Variants in SLC35D1 observed in about 807,000 individuals in gnomAD.
SLC35D1 encodes the protein nucleotide sugar transporter SLC35D1.
A neutral mutation model predicts 46.7 loss-of-function variants in SLC35D1; 31 were observed. That is an observed-to-expected ratio of 0.66 (90% CI 0.50 to 0.90). The LOEUF (loss-of-function observed/expected upper bound fraction) is 0.90, where lower values mean the gene tolerates loss of function less well. Among genes scored for constraint, SLC35D1 ranks in the 40% least tolerant of loss-of-function variants. The pLI is 0.00. For synonymous variants in SLC35D1, 195 were observed against 164.6 expected (o/e 1.18, Z -1.41); for missense variants, 397 against 426.2 (o/e 0.93, Z 0.60).
intron 11 of SLC35D1, among the ~76,000 whole-genome samples, chr1:67,005,472 G>A (rs1667428619): frequency 6.6e-6 from 1 of 152,104 alleles, no homozygotes; most frequent in Non-Finnish European, 1.5e-5. Context: ...CATAATACTA[G>A]CCATTCTCTG....
the SLC35D1 span, among the ~76,000 whole-genome samples, chr1:66,976,080 A>C: frequency 2.7e-5 from 4 of 147,208 alleles, no homozygotes; most frequent in African/African-American, 7.7e-5. Flanking sequence ...CTCTGCCCCC[A>C]CCCCCACCCC....
intron 10 of SLC35D1, among the ~76,000 whole-genome samples, chr1:67,014,286 C>T (rs1337288534): frequency 6.6e-6 from 1 of 152,172 alleles, no homozygotes; most frequent in African/African-American, 2.4e-5. Context: ...TCTCTCTGCA[C>T]TTTAAAATAT....
chr1:66,998,593 T>C (rs541210635), downstream of SLC35D1, among the ~76,000 whole-genome samples: 14 of 152,266 alleles, frequency 9.2e-5, no homozygotes, highest in African/African-American at 3.4e-4. Flanking sequence ...GCAACCCAAG[T>C]ACCCATCAAC....
At chr1:67,015,160 T>TAAA (rs140508453) in intron 10 of SLC35D1, among the ~76,000 whole-genome samples, 11 of 85,390 alleles carry the variant, frequency 1.3e-4, no homozygotes, top group African/African-American at 1.6e-4. Flanking sequence ...TGTGTTTTTG[T>TAAA]AAAAAAAAAA....
At chr1:67,020,325 C>A in intron 10 of SLC35D1, 44 bp downstream of exon 10, 1 of 1,289,020 alleles carries the variant, frequency 7.8e-7, no homozygotes, top group Non-Finnish European at 1.1e-6. Flanking sequence ...GAACAATTTT[C>A]AAATAATGCA....
chr1:66,979,852 C>T, the SLC35D1 span, among the ~76,000 whole-genome samples: 1 of 152,022 alleles, frequency 6.6e-6, no homozygotes, highest in African/African-American at 2.4e-5. Flanking sequence ...GCAACCTCCA[C>T]CGCCCGGGTT....
intron 10 of SLC35D1, among the ~76,000 whole-genome samples, chr1:67,014,633 T>C (rs967062682): frequency 4.6e-5 from 7 of 151,122 alleles, no homozygotes; most frequent in Admixed American, 4.0e-4. Context: ...GTTTAAAAAT[T>C]ATTAGTAAAA....
chr1:66,973,419 C>T, the SLC35D1 span, among the ~76,000 whole-genome samples: 9 of 152,132 alleles, frequency 5.9e-5, no homozygotes, highest in African/African-American at 1.9e-4. Flanking sequence ...GGTCTAAAAT[C>T]AAATACTTAA....
In SLC35D1 at chr1:67,040,080, G is replaced by A. The variant is rs1305119703; in HGVS notation, c.729+2156C>T. ...CACAATCATGGCTCACTGCAGCCTC[G>A]ACCTCCTGGGCTCAAGCGATCCTCC... On this transcript the variant is annotated intron_variant, in intron 8 of 11. Coordinates refer to ENST00000235345, the MANE Select transcript of SLC35D1 (RefSeq NM_015139.3). Among the ~76,000 whole-genome samples, 14 of 150,402 alleles carry A rather than the reference G, an allele frequency of 9.3e-5. No individual in the cohort carries two copies. In the East Asian group the frequency reaches 2.0e-3, roughly 21 times the overall value.
intron 8 of SLC35D1, 33 bp downstream of exon 8, chr1:67,042,203 G>A (rs369794177): frequency 3.8e-5 from 58 of 1,538,108 alleles, no homozygotes; most frequent in Non-Finnish European, 3.7e-5. Flanking sequence ...GTTCATCAAC[G>A]TAAGCCATTA....
At chr1:67,045,810 G>C (rs1645245799) in intron 7 of SLC35D1, among the ~76,000 whole-genome samples, 1 of 152,154 alleles carries the variant, frequency 6.6e-6, no homozygotes, top group South Asian at 2.1e-4. Flanking sequence ...CTAATGACCA[G>C]TTAATGGAAA....
At chr1:66,990,217 T>C in the SLC35D1 span, among the ~76,000 whole-genome samples, 3 of 152,184 alleles carry the variant, frequency 2.0e-5, no homozygotes, top group Non-Finnish European at 4.4e-5. Flanking sequence ...CTCTAGTGTT[T>C]AGTAGACAAA....
At chr1:66,986,215 A>G in the SLC35D1 span, 1,784 of 1,259,988 alleles carry the variant, frequency 1.4e-3, 20 homozygotes, top group African/African-American at 0.025. Flanking sequence ...CAAAGTGAAA[A>G]TAAGATACAC....
chr1:67,053,819 G>T lies in SLC35D1; in HGVS notation c.195C>A (p.Thr65=). 6.2e-7 allele frequency: 1 copy of T among 1,610,150 alleles called. No individual in the cohort carries two copies. The highest frequency in any genetic ancestry group is 1.7e-4 in the Middle Eastern group (1 of 6,030). ...LIVVVNKSVL[T]NYRFPSSLCV... ...CGCCGCCTCGGCCCTACCTGTAATTGGTGAGCACGCTCTTATTCACCACCA... is the reference window on the plus strand; with the variant it reads ...CGCCGCCTCGGCCCTACCTGTAATTTGTGAGCACGCTCTTATTCACCACCA... Residue 65 remains threonine, a synonymous_variant, in exon 1 of 12, where the codon ACC becomes ACA. Coordinates refer to ENST00000235345, the MANE Select transcript of SLC35D1 (RefSeq NM_015139.3).
the SLC35D1 span, among the ~76,000 whole-genome samples, chr1:66,991,363 C>T: frequency 1.8e-3 from 277 of 152,294 alleles, 2 homozygotes; most frequent in African/African-American, 6.1e-3. Context: ...TGTCAGTGAC[C>T]ACATTGCTAG....
At chr1:67,039,614 C>T (rs1204004389) in intron 8 of SLC35D1, among the ~76,000 whole-genome samples, 2 of 151,698 alleles carry the variant, frequency 1.3e-5, no homozygotes, top group Non-Finnish European at 2.9e-5. Context: ...TTCATTTAAC[C>T]ATTTATCTTG....
At chr1:67,040,088 G>A (rs1217740340) in intron 8 of SLC35D1, among the ~76,000 whole-genome samples, 3 of 151,264 alleles carry the variant, frequency 2.0e-5, no homozygotes, top group African/African-American at 7.3e-5. Flanking sequence ...TCGACCTCCT[G>A]GGCTCAAGCG....
chr1:67,033,668 C>T (rs960605298), intron 8 of SLC35D1, among the ~76,000 whole-genome samples: 13 of 152,124 alleles, frequency 8.5e-5, no homozygotes, highest in African/African-American at 3.1e-4. Context: ...GTTTTCTTCA[C>T]TGTGCAGAAG....
intron 10 of SLC35D1, among the ~76,000 whole-genome samples, chr1:67,014,479 C>T (rs1667637646): frequency 6.6e-6 from 1 of 151,806 alleles, no homozygotes; most frequent in African/African-American, 2.4e-5. Flanking sequence ...TATTTGTGTC[C>T]ATCTATATTT....
Sources: gnomAD v4.1 joint callset for allele counts (sites outside exome capture counted in the v4.1 genomes callset) on GRCh38, gnomAD v4.1.1 for gene constraint, MANE v1.5 for transcripts, NCBI Gene and HGNC (gene_info 2026-07-23, HGNC 2026-07-21) for gene names.